Variants in HECTD4 observed in about 807,000 individuals in gnomAD.
HECTD4 encodes probable E3 ubiquitin-protein ligase HECTD4.
A neutral mutation model predicts 471.5 loss-of-function variants in HECTD4; 114 were observed. The observed-to-expected ratio is 0.24, with a 90% confidence interval of 0.21 to 0.28. HECTD4 has a LOEUF of 0.28. Among genes scored for constraint, HECTD4 ranks in the 10% least tolerant of loss-of-function variants. HECTD4 has a pLI of 1.00. For missense variants in HECTD4, 3,866 were observed against 5,651.5 expected (o/e 0.68, Z 10.13); for synonymous variants, 2,012 against 2,256.0 (o/e 0.89, Z 3.07).
In HECTD4 at chr12:112,239,519, A is replaced by G. The variant is rs1190935686; in HGVS notation, c.5106-283T>C. ...AAATCATGTATTTTGTCCTAAGGGG[A>G]TTCAATGAATGCTTGACATCTTCAA... is the stretch of plus-strand genomic sequence containing the variant. On this transcript the variant is annotated intron_variant, in intron 33 of 75. Coordinates refer to ENST00000682272, the MANE Select transcript of HECTD4 (RefSeq NM_001388303.1). The surrounding 1 kb of genome is among the most constrained non-coding windows in gnomAD (Gnocchi z 4.9). Among the ~76,000 whole-genome samples, 2 of 152,224 alleles carry G rather than the reference A, an allele frequency of 1.3e-5. No individual in the cohort carries two copies. The highest frequency in any genetic ancestry group is 4.8e-5 in the African/African-American group (2 of 41,464).
At chr12:112,169,866 C>T in intron 69 of HECTD4, 1 of 629,652 alleles carries the variant, frequency 1.6e-6, no homozygotes, top group South Asian at 1.9e-5. Context: ...ACCTGCCCTC[C>T]TGGGCCCCCA....
chr12:112,325,236 AAAGAC>A (rs1247640622), intron 1 of HECTD4, among the ~76,000 whole-genome samples: 1 of 152,198 alleles, frequency 6.6e-6, no homozygotes, highest in Non-Finnish European at 1.5e-5. Context: ...ATTCAATTTA[AAAGAC>A]AAGTGCACTG....
chr12:112,215,874 C>T (rs1177253630), intron 48 of HECTD4, among the ~76,000 whole-genome samples: 1 of 152,104 alleles, frequency 6.6e-6, no homozygotes, highest in African/African-American at 2.4e-5. Flanking sequence ...CTCAAGTGAT[C>T]CTCTTGCCTC....
rs1408221012 is a variant in HECTD4, at chr12:112,230,758, C to T, written c.6265G>A (p.Ala2089Thr). ...VANSMAAEVI[A>T]LLHSLLMAPE... ...GCCATGAGCAAGCTATGTAGCAAGG[C>T]GATCACTTCTGCAGCCATGCTGTTT... Residue 2089 changes from alanine to threonine, a missense_variant, in exon 40 of 76, where the codon GCC (alanine) becomes ACC (threonine). Ala to Thr is a moderately conservative substitution (Grantham distance 58). Around this residue, in one of 16 missense-constraint regions of HECTD4, gnomAD observed 617 missense variants for 915.1 expected, o/e 0.67. Transcript: ENST00000682272. The T allele has an allele frequency of 5.0e-6, 8 of 1,610,816 alleles. No individual in the cohort carries two copies. The highest frequency in any genetic ancestry group is 5.9e-6 in the Non-Finnish European group (7 of 1,178,602).
Position 112,243,792 on chromosome 12 carries a change from C to T in HECTD4, c.4650-31G>A, listed in dbSNP as rs766055916. On this transcript the variant is annotated intron_variant, in intron 30 of 75. Transcript: ENST00000682272. The surrounding 1 kb of genome is among the most constrained non-coding windows in gnomAD (Gnocchi z 6.6). ...GGGAACACAGAACAGACTGGCAAGACGAGAAACACACTCAGGGAGCTTGTT... is the reference window on the plus strand; with the variant it reads ...GGGAACACAGAACAGACTGGCAAGATGAGAAACACACTCAGGGAGCTTGTT... The T allele has an allele frequency of 1.3e-5, 21 of 1,609,132 alleles. No homozygotes were observed. The highest frequency in any genetic ancestry group is 1.6e-4 in the Middle Eastern group (1 of 6,062).
At chr12:112,355,435 T>C (rs1358517985) in intron 1 of HECTD4, among the ~76,000 whole-genome samples, 1 of 150,020 alleles carries the variant, frequency 6.7e-6, no homozygotes, top group East Asian at 2.0e-4. Context: ...CACTCCAGCC[T>C]GGGCGACCGA....
intron 13 of HECTD4, among the ~76,000 whole-genome samples, chr12:112,268,870 T>G (rs1296541863): frequency 4.0e-5 from 4 of 99,178 alleles, no homozygotes; most frequent in Admixed American, 1.2e-4. Flanking sequence ...CTGAAAAGGT[T>G]TTTTTTTTTT....
At chr12:112,336,625 G>T (rs1306681464) in intron 1 of HECTD4, among the ~76,000 whole-genome samples, 1 of 151,668 alleles carries the variant, frequency 6.6e-6, no homozygotes, top group Non-Finnish European at 1.5e-5. Context: ...AGATATGATT[G>T]ATTGTGGTTA....
intron 64 of HECTD4, 29 bp from the exon 65 acceptor site, chr12:112,176,731 A>C (rs1459265013): frequency 1.4e-6 from 2 of 1,476,754 alleles, no homozygotes; most frequent in African/African-American, 2.8e-5. Context: ...GAATTAGACT[A>C]ATGCACGTTC....
chr12:112,205,450 G>A (rs2032549160), intron 52 of HECTD4, among the ~76,000 whole-genome samples: 1 of 152,040 alleles, frequency 6.6e-6, no homozygotes, highest in Admixed American at 6.6e-5. Context: ...TAGCAAAAAA[G>A]TAGAAAAAAC....
chr12:112,167,358 C>T lies in HECTD4; in HGVS notation c.12493G>A (p.Ala4165Thr). 6.2e-7 allele frequency: 1 copy of T among 1,613,698 alleles called. No homozygotes were observed. Among genetic ancestry groups the T allele is most frequent in the South Asian group, 1.1e-5 (1 of 91,054 alleles). Reference protein sequence around the residue: ...PLDPEQDLQEADILTYNYVKK... With the variant: ...PLDPEQDLQETDILTYNYVKK... Reference sequence around the variant, plus strand: ...ACGTAATTGTAGGTGAGGATATCCGCTTCCTGCAGGTCTTGCTCAGGGTCC... The same window carrying T: ...ACGTAATTGTAGGTGAGGATATCCGTTTCCTGCAGGTCTTGCTCAGGGTCC... The change falls in exon 72 of 76, where the codon GCG becomes ACG. Residue 4165 changes from alanine to threonine, a missense_variant. By Grantham distance (58) the Ala-to-Thr change is moderately conservative (BLOSUM62 0). Coordinates refer to ENST00000682272, the MANE Select transcript of HECTD4 (RefSeq NM_001388303.1).
At chr12:112,295,801 TAA>T (rs764102820) in intron 7 of HECTD4, among the ~76,000 whole-genome samples, 10,959 of 143,818 alleles carry the variant, frequency 0.076, 478 homozygotes, top group East Asian at 0.15. Flanking sequence ...ACCATTAAAT[TAA>T]AAAAAAAATA....
At position 112,308,738 on chromosome 12, in the gene HECTD4, T is replaced by C; in HGVS notation, c.1164+15A>G. On this transcript the variant is annotated intron_variant, in intron 6 of 75. Coordinates refer to ENST00000682272, the MANE Select transcript of HECTD4 (RefSeq NM_001388303.1). ...TCTAAAATATGTTTTAAAAATGCCT[T>C]GGTTTTCTGTTTACCTGAAGGGTGT... is the stretch of plus-strand genomic sequence containing the variant. 1 of 1,523,712 alleles carries C rather than the reference T, an allele frequency of 6.6e-7. No individual in the cohort carries two copies. Among genetic ancestry groups the C allele is most frequent in the Non-Finnish European group, 8.8e-7 (1 of 1,142,204 alleles). 94.4% of individuals were successfully genotyped at this position (1,523,712 alleles called of 1,614,324 possible). A position where few individuals can be genotyped will look rare whatever the true frequency, so the allele number is the denominator to read the frequency against.
chr12:112,280,054 G>GT (rs148446988), intron 8 of HECTD4, among the ~76,000 whole-genome samples: 2,260 of 150,684 alleles, frequency 0.015, 21 homozygotes, highest in Non-Finnish European at 0.023. Context: ...CAAGATCTTG[G>GT]TTTTTTTTTC....
chr12:112,373,269 G>T (rs935251384), intron 1 of HECTD4, among the ~76,000 whole-genome samples: 1 of 152,152 alleles, frequency 6.6e-6, no homozygotes, highest in Non-Finnish European at 1.5e-5. Flanking sequence ...GGCCAGGCAC[G>T]GTGGCTGACG....
At chr12:112,219,097 TAAAA>T (rs934671632) in intron 45 of HECTD4, among the ~76,000 whole-genome samples, 29 of 145,054 alleles carry the variant, frequency 2.0e-4, no homozygotes, top group African/African-American at 7.0e-4. Flanking sequence ...TCTCTAAACT[TAAAA>T]AAAAAAAGCT....
intron 1 of HECTD4, among the ~76,000 whole-genome samples, chr12:112,363,179 T>A (rs996930942): frequency 6.6e-6 from 1 of 152,160 alleles, no homozygotes; most frequent in Non-Finnish European, 1.5e-5. Context: ...CATTCTTTTT[T>A]AATTTTTTAA....
rs749184415 is a variant in HECTD4, at chr12:112,269,759, C to A, written c.2266G>T (p.Ala756Ser). ...SGLLLWQLLMAPKDQICPEIQ... is the reference protein window; with the variant it reads ...SGLLLWQLLMSPKDQICPEIQ... ...TCAGGGCAAATTTGATCTTTTGGAG[C>A]CATCAACAACTGCCAAAGAAGCAAT... Residue 756 changes from alanine (A) to serine (S), a missense_variant, in exon 13 of 76, where the codon GCT becomes TCT. Ala to Ser is a moderately conservative substitution (Grantham distance 99). Transcript: ENST00000682272. The A allele has an allele frequency of 6.2e-7, 1 of 1,613,926 alleles. No individual in the cohort carries two copies. Among genetic ancestry groups the A allele is most frequent in the Non-Finnish European group, 8.5e-7 (1 of 1,179,846 alleles).
chr12:112,324,355 A>T (rs546003331), intron 1 of HECTD4, among the ~76,000 whole-genome samples: 40 of 151,668 alleles, frequency 2.6e-4, no homozygotes, highest in African/African-American at 9.0e-4. Context: ...CCAGAGCTCA[A>T]GCGATCTGCT....
Sources: allele counts gnomAD v4.1 joint callset (sites outside exome capture counted in the v4.1 genomes callset), GRCh38; gene constraint gnomAD v4.1.1; regional missense constraint gnomAD v4.1.1; non-coding constraint Gnocchi (gnomAD v3.1); transcripts MANE v1.5; gene names NCBI Gene and HGNC (gene_info 2026-07-23, HGNC 2026-07-21).